Variants in KSR2 observed in about 807,000 individuals in gnomAD.
The protein encoded by KSR2 is kinase suppressor of ras 2.
Under a neutral mutation model 107.8 loss-of-function variants are expected in KSR2, and 25 were observed. That is an observed-to-expected ratio of 0.23 (90% CI 0.17 to 0.32). The LOEUF (loss-of-function observed/expected upper bound fraction) is 0.32, where lower values mean the gene tolerates loss of function less well. KSR2 is among the 10% of genes least tolerant of loss of function. KSR2 has a pLI of 1.00. For synonymous variants in KSR2, 480 were observed against 507.0 expected (o/e 0.95, Z 0.71); for missense variants, 887 against 1,268.9 (o/e 0.70, Z 4.57).
At chr12:117,577,423 G>GACTGA (rs1879352687) in intron 7 of KSR2, among the ~76,000 whole-genome samples, 1 of 152,148 alleles carries the variant, frequency 6.6e-6, no homozygotes, top group Admixed American at 6.5e-5. Context: ...CAAAGGACTG[G>GACTGA]ACTGAGCGAG....
chr12:117,914,928 A>G (rs987040065), intron 1 of KSR2, among the ~76,000 whole-genome samples: 2 of 152,208 alleles, frequency 1.3e-5, no homozygotes, highest in Non-Finnish European at 2.9e-5. Flanking sequence ...GACTGTAGGG[A>G]GCAGAGCATC....
Position 117,597,211 on chromosome 12 carries a change from A to T in KSR2, c.1172-14852T>A, listed in dbSNP as rs567724781. On this transcript the variant is annotated intron_variant, in intron 5 of 19. Coordinates refer to ENST00000339824, the MANE Select transcript of KSR2 (RefSeq NM_173598.6). ...TACAGAGTGGCTAATGACTTTAGTC[A>T]CTGTGGTAGACTGAATAATGCCCCA... Among the ~76,000 whole-genome samples the T allele has an allele frequency of 7.9e-5, 12 of 152,332 alleles. No homozygotes were observed. The South Asian group carries it at 2.3e-3, about 29-fold the overall frequency.
rs1192150830 is a variant in KSR2, at chr12:117,897,586, A to G, written c.181-37155T>C. The stretch of plus-strand genomic sequence containing the variant: ...GAACAGACACGTCTTTGAGGTAACA[A>G]TGGCCTTCTGGAGCGGGGAAGGAAA... On this transcript the variant is annotated intron_variant, in intron 1 of 19. Coordinates refer to ENST00000339824, the MANE Select transcript of KSR2 (RefSeq NM_173598.6). The surrounding 1 kb of genome is among the most constrained non-coding windows in gnomAD (Gnocchi z 4.5). Among the ~76,000 whole-genome samples the G allele has an allele frequency of 6.6e-6, 1 of 152,088 alleles. No individual in the cohort carries two copies. The highest frequency in any genetic ancestry group is 1.5e-5 in the Non-Finnish European group (1 of 68,018).
chr12:117,793,655 TATGCACACATACAACATGCACACACCAAC>T (rs1311374413), intron 3 of KSR2, among the ~76,000 whole-genome samples: 5 of 129,054 alleles, frequency 3.9e-5, no homozygotes, highest in South Asian at 2.7e-4. Flanking sequence ...TATACACCAA[TATGCACACATACAACATGCACACACCAAC>T]ATGCACACAT....
intron 4 of KSR2, among the ~76,000 whole-genome samples, chr12:117,682,867 G>A (rs1885427277): frequency 6.6e-6 from 1 of 152,192 alleles, no homozygotes; most frequent in African/African-American, 2.4e-5. Context: ...AAGAGAGGAT[G>A]GAGGATTGGA....
At chr12:117,652,636 T>C (rs1264194790) in intron 5 of KSR2, among the ~76,000 whole-genome samples, 1 of 152,146 alleles carries the variant, frequency 6.6e-6, no homozygotes, top group Non-Finnish European at 1.5e-5. Flanking sequence ...CTTTCTCCCA[T>C]CCTTCCCCAA....
intron 5 of KSR2, among the ~76,000 whole-genome samples, chr12:117,622,268 G>A (rs895278466): frequency 2.0e-5 from 3 of 151,980 alleles, no homozygotes; most frequent in Non-Finnish European, 2.9e-5. Context: ...ATTCACTCAG[G>A]ATTAAATCAT....
At chr12:117,532,902 G>A (rs1290174283) in intron 10 of KSR2, among the ~76,000 whole-genome samples, 3 of 152,156 alleles carry the variant, frequency 2.0e-5, no homozygotes, top group Non-Finnish European at 4.4e-5. Context: ...GACATTCAGG[G>A]ACAAGCCACC....
At chr12:117,646,169 C>T (rs1465896766) in intron 5 of KSR2, among the ~76,000 whole-genome samples, 1 of 152,058 alleles carries the variant, frequency 6.6e-6, no homozygotes, top group Non-Finnish European at 1.5e-5. Context: ...ATGTTCAGTA[C>T]AGACATAATT....
chr12:117,848,844 A>ATGG (rs1566048412), intron 3 of KSR2, among the ~76,000 whole-genome samples: 2 of 118,048 alleles, frequency 1.7e-5, no homozygotes, highest in African/African-American at 7.7e-5. Context: ...AGTGGTGGTG[A>ATGG]TGGTGATGAT....
chr12:117,927,896 T>A (rs1895579790), intron 1 of KSR2, among the ~76,000 whole-genome samples: 2 of 152,094 alleles, frequency 1.3e-5, no homozygotes, highest in Non-Finnish European at 2.9e-5. Flanking sequence ...CTCAAGCACA[T>A]ACGCAGTGTT....
intron 14 of KSR2, among the ~76,000 whole-genome samples, chr12:117,499,326 GT>G (rs917605351): frequency 1.3e-5 from 2 of 152,114 alleles, no homozygotes; most frequent in South Asian, 2.1e-4. Context: ...GTTTTATAAG[GT>G]TTTTTTTCCC....
At chr12:117,482,851 A>G (rs898981958) in intron 16 of KSR2, among the ~76,000 whole-genome samples, 3 of 152,204 alleles carry the variant, frequency 2.0e-5, no homozygotes, top group Non-Finnish European at 4.4e-5. Flanking sequence ...TTTTTATAAA[A>G]CAGCCCAGAA....
chr12:117,738,853 C>A (rs74657635), intron 4 of KSR2, among the ~76,000 whole-genome samples: 21 of 152,160 alleles, frequency 1.4e-4, no homozygotes, highest in African/African-American at 4.8e-4. Context: ...CCGGCCTGGG[C>A]GACAGAGACT....
At chr12:117,837,894 G>A (rs991861915) in intron 3 of KSR2, among the ~76,000 whole-genome samples, 1 of 152,212 alleles carries the variant, frequency 6.6e-6, no homozygotes, top group African/African-American at 2.4e-5. Context: ...GGGGAAAGGA[G>A]GACCATTTAA....
chr12:117,493,682 TA>T lies in KSR2; in HGVS notation c.2220-7992del, dbSNP rs145964600. 8.2e-3 allele frequency among the ~76,000 whole-genome samples: 1,253 copies of T among 152,284 alleles called. 16 individuals are homozygous for T. The highest frequency in any genetic ancestry group is 0.028 in the African/African-American group (1,177 of 41,534). On this transcript the variant is annotated intron_variant, in intron 14 of 19. Coordinates refer to ENST00000339824, the MANE Select transcript of KSR2 (RefSeq NM_173598.6). ...GTCTCCCCCTCCAGACTGTAAGCCTTAAGAGGACAGTTACATGGTTTGGCTG... is the reference window on the plus strand; with the variant it reads ...GTCTCCCCCTCCAGACTGTAAGCCTTAGAGGACAGTTACATGGTTTGGCTG...
chr12:117,539,800 G>T lies in KSR2; in HGVS notation c.1606C>A (p.Leu536Ile). 3 of 1,603,744 alleles carry T rather than the reference G, an allele frequency of 1.9e-6. No individual in the cohort carries two copies. The highest frequency in any genetic ancestry group is 2.3e-5 in the East Asian group (1 of 44,218). ...SSTPSSPAPP[L>I]PPSATPPSPL... ...GAAGGCGGCGTGGCACTAGGAGGGA[G>T]GGGGGGTGCTGGCGAGGAGGGCGTG... Residue 536 changes from leucine (L) to isoleucine (I), a missense_variant, in exon 10 of 20, where the codon CTC becomes ATC. Leu to Ile is a conservative substitution (Grantham distance 5, BLOSUM62 2). Around this residue, in one of 8 missense-constraint regions of KSR2, gnomAD observed 50 missense variants for 43.4 expected, o/e 1.15. Coordinates refer to ENST00000339824, the MANE Select transcript of KSR2 (RefSeq NM_173598.6).
At chr12:117,953,675 C>T (rs907613018) in intron 1 of KSR2, among the ~76,000 whole-genome samples, 1 of 152,116 alleles carries the variant, frequency 6.6e-6, no homozygotes, top group Admixed American at 6.6e-5. Context: ...AGGGGAGTTA[C>T]TGCTTAATGG....
chr12:117,820,510 A>G (rs1356571057), intron 3 of KSR2, among the ~76,000 whole-genome samples: 1 of 152,214 alleles, frequency 6.6e-6, no homozygotes, highest in Non-Finnish European at 1.5e-5. Flanking sequence ...AATCGGATAA[A>G]TCACTAAATC....
Sources: allele counts gnomAD v4.1 joint callset (sites outside exome capture counted in the v4.1 genomes callset), GRCh38; gene constraint gnomAD v4.1.1; regional missense constraint gnomAD v4.1.1; non-coding constraint Gnocchi (gnomAD v3.1); transcripts MANE v1.5; gene names NCBI Gene and HGNC (gene_info 2026-07-23, HGNC 2026-07-21).